The following CLIC5 variants were observed in gnomAD, a reference collection of about 807,000 sequenced individuals.
The protein encoded by CLIC5 is CLIC family member 5, also known as chloride intracellular channel protein 5.
CLIC5 carries 20 observed loss-of-function variants against 24.7 expected under a neutral mutation model. That is an observed-to-expected ratio of 0.81 (90% CI 0.57 to 1.18). The LOEUF (loss-of-function observed/expected upper bound fraction) is 1.18. Ranked by LOEUF, CLIC5 falls within the 50% of genes most tolerant of loss-of-function variation. The probability of loss-of-function intolerance (pLI) is 0.00; values close to 1 mark genes in which losing one functional copy is unlikely to be tolerated. For missense variants in CLIC5, 341 were observed against 326.1 expected (o/e 1.05, Z -0.35); for synonymous variants, 159 against 135.6 (o/e 1.17, Z -1.20).
chr6:45,969,658 A>AAAGTCATC (rs1765130697), intron 1 of CLIC5, among the ~76,000 whole-genome samples: 1 of 152,148 alleles, frequency 6.6e-6, no homozygotes, highest in Non-Finnish European at 1.5e-5. Context: ...AATCCTTTGG[A>AAAGTCATC]AAGTCATCTT....
At chr6:46,035,894 G>A (rs1767645223) in intron 1 of CLIC5, among the ~76,000 whole-genome samples, 1 of 152,040 alleles carries the variant, frequency 6.6e-6, no homozygotes, top group Non-Finnish European at 1.5e-5. Context: ...ACAGGTGCGT[G>A]CCACCACACC....
At chr6:46,097,469 A>C in the CLIC5 span, 1 of 152,252 alleles carries the variant, frequency 6.6e-6, no homozygotes, top group African/African-American at 2.4e-5. Flanking sequence ...TCTGCTGCTC[A>C]ACCCCTGTGC....
chr6:45,997,613 A>C (rs1405496163), intron 1 of CLIC5, among the ~76,000 whole-genome samples: 1 of 152,242 alleles, frequency 6.6e-6, no homozygotes, highest in African/African-American at 2.4e-5. Flanking sequence ...AAGTAGGACG[A>C]ATATCTACTA....
intron 1 of CLIC5, among the ~76,000 whole-genome samples, chr6:45,965,316 G>A (rs1403373803): frequency 6.6e-6 from 1 of 152,176 alleles, no homozygotes; most frequent in African/African-American, 2.4e-5. Flanking sequence ...TCTGTGAAAA[G>A]CAACACCCTC....
intron 6 of CLIC5, among the ~76,000 whole-genome samples, chr6:45,885,285 T>C (rs947215007): frequency 2.6e-5 from 4 of 152,138 alleles, no homozygotes; most frequent in African/African-American, 9.7e-5. Context: ...AAGTCAGCCT[T>C]CCACTACCTG....
intron 1 of CLIC5, among the ~76,000 whole-genome samples, chr6:46,072,764 A>G (rs1443608016): frequency 1.3e-5 from 2 of 152,164 alleles, no homozygotes; most frequent in Non-Finnish European, 2.9e-5. Flanking sequence ...CCCATAGCTT[A>G]TTCTACCCCT....
chr6:45,920,337 A>G, intron 4 of CLIC5: 1 of 961,014 alleles, frequency 1.0e-6, no homozygotes, highest in Non-Finnish European at 1.2e-6. Flanking sequence ...CATCTGGTCA[A>G]AAAGTGAGAA....
chr6:45,988,825 C>T (rs1349090465), intron 1 of CLIC5, among the ~76,000 whole-genome samples: 2 of 152,158 alleles, frequency 1.3e-5, no homozygotes, highest in Admixed American at 1.3e-4. Flanking sequence ...AGATCCTTTC[C>T]AGGTCAAGAC....
chr6:45,933,825 G>T (rs1034733179), intron 4 of CLIC5, among the ~76,000 whole-genome samples: 3 of 152,212 alleles, frequency 2.0e-5, no homozygotes, highest in Admixed American at 2.0e-4. Flanking sequence ...TTCCAGAGAA[G>T]ATGGAGAGAA....
At chr6:46,086,218 C>T in the CLIC5 span, among the ~76,000 whole-genome samples, 1 of 152,250 alleles carries the variant, frequency 6.6e-6, no homozygotes, top group South Asian at 2.1e-4. Flanking sequence ...ATGCCTCGCC[C>T]TGCTTCGGCT....
intron 4 of CLIC5, among the ~76,000 whole-genome samples, chr6:45,919,650 C>T (rs1436952446): frequency 1.3e-5 from 2 of 152,140 alleles, no homozygotes; most frequent in South Asian, 2.1e-4. Context: ...CTCTGTGAGT[C>T]GAGGCCTCCA....
At chr6:46,122,330 A>G in the CLIC5 span, among the ~76,000 whole-genome samples, 1 of 152,360 alleles carries the variant, frequency 6.6e-6, no homozygotes, top group Non-Finnish European at 1.5e-5. Flanking sequence ...CTGAATGACT[A>G]CTGGGTACAT....
rs1762870318 is a variant in CLIC5 at position 45,912,861 on chromosome 6, T to C, written c.588+1367A>G. 80 of 700,558 alleles carry C rather than the reference T, an allele frequency of 1.1e-4. No homozygotes were observed. The South Asian group carries it at 1.2e-3, about 11-fold the overall frequency. The allele number at this position is 700,558 out of a possible 1,614,324, so 43.4% of individuals were successfully genotyped here. A position where few individuals can be genotyped will look rare whatever the true frequency, so the allele number is the denominator to read the frequency against. On this transcript the variant is annotated intron_variant, in intron 5 of 5. Transcript: ENST00000339561. ...CTTGGCCCCAAATCCAAAATGTTCT[T>C]TTCTAAATAGGTTGTATTTGCCCAC...
chr6:45,911,984 G>C (rs1369075678), intron 5 of CLIC5: 4 of 985,598 alleles, frequency 4.1e-6, no homozygotes, highest in African/African-American at 1.7e-5. Flanking sequence ...CAGGGATGGA[G>C]ATAAACCTGA....
At chr6:46,043,818 C>T (rs1767882108) in intron 1 of CLIC5, among the ~76,000 whole-genome samples, 1 of 152,190 alleles carries the variant, frequency 6.6e-6, no homozygotes, top group Non-Finnish European at 1.5e-5. Context: ...GTGCTCTACA[C>T]TGAGGTATGG....
At chr6:46,092,633 TTGTG>T in the CLIC5 span, among the ~76,000 whole-genome samples, 141 of 151,128 alleles carry the variant, frequency 9.3e-4, 2 homozygotes, top group Admixed American at 8.1e-3. Context: ...TTATTCCCTT[TTGTG>T]TGTGTGTGTG....
intron 1 of CLIC5, among the ~76,000 whole-genome samples, chr6:45,990,456 C>T (rs1765895471): frequency 6.6e-6 from 1 of 152,180 alleles, no homozygotes; most frequent in South Asian, 2.1e-4. Context: ...CCAACAAGCA[C>T]CCAAGTGTGA....
chr6:46,028,824 A>G lies in CLIC5; in HGVS notation c.540+50879T>C, dbSNP rs574553877. ...GGCACATCATAGTCACCCAAAGTCC[A>G]TAGTTTCATTAGATAGTTTACATTT... is the stretch of plus-strand genomic sequence containing the variant. On this transcript the variant is annotated intron_variant, in intron 1 of 5. Transcript: ENST00000185206. 9.8e-5 allele frequency among the ~76,000 whole-genome samples: 15 copies of G among 152,360 alleles called. No homozygotes were observed. In the South Asian group the frequency reaches 3.1e-3, roughly 32 times the overall value.
chr6:46,069,431 C>A (rs981339975), intron 1 of CLIC5, among the ~76,000 whole-genome samples: 2 of 152,020 alleles, frequency 1.3e-5, no homozygotes, highest in Non-Finnish European at 1.5e-5. Context: ...ACGATGAACA[C>A]CCCTATGCAC....
Sources: gnomAD v4.1 joint callset for allele counts (sites outside exome capture counted in the v4.1 genomes callset) on GRCh38, gnomAD v4.1.1 for gene constraint, MANE v1.5 for transcripts, NCBI Gene and HGNC (gene_info 2026-07-23, HGNC 2026-07-21) for gene names.